Variants in CACUL1 observed in about 807,000 individuals in gnomAD.
The protein encoded by CACUL1 is CDK2-associated and cullin domain-containing protein 1.
In CACUL1, 13 loss-of-function variants were observed where a neutral mutation model predicts 45.2. The observed-to-expected ratio is 0.29, with a 90% CI of 0.19 to 0.46. The LOEUF (loss-of-function observed/expected upper bound fraction) is 0.46. Ranked by LOEUF, CACUL1 falls within the 20% of genes least tolerant of loss-of-function variation. The probability of loss-of-function intolerance (pLI) is 1.00; values close to 1 mark genes in which losing one functional copy is unlikely to be tolerated. For synonymous variants in CACUL1, 197 were observed against 174.2 expected, an observed-to-expected ratio of 1.13 and a Z score of -1.03; for missense variants, 421 against 471.4, an observed-to-expected ratio of 0.89 and a Z score of 0.99.
chr10:118,729,989 T>C (rs192549027), intron 2 of CACUL1, among the ~76,000 whole-genome samples: 4 of 152,364 alleles, frequency 2.6e-5, no homozygotes, highest in Admixed American at 1.3e-4. Context: ...CCTCTGAGAC[T>C]AAAAATATGA....
chr10:118,701,638 G>C (rs1845381080), intron 4 of CACUL1, among the ~76,000 whole-genome samples: 1 of 152,128 alleles, frequency 6.6e-6, no homozygotes, highest in African/African-American at 2.4e-5. Flanking sequence ...AGAACACTGG[G>C]AGATACCAAC....
At chr10:118,696,516 C>A (rs759792815) in intron 5 of CACUL1, among the ~76,000 whole-genome samples, 3 of 152,170 alleles carry the variant, frequency 2.0e-5, no homozygotes, top group Admixed American at 6.5e-5. Flanking sequence ...TGGCGGCAGG[C>A]GCCTGTAATC....
At chr10:118,701,880 C>T (rs1439346752) in intron 4 of CACUL1, among the ~76,000 whole-genome samples, 1 of 152,086 alleles carries the variant, frequency 6.6e-6, no homozygotes, top group African/African-American at 2.4e-5. Flanking sequence ...ACCTTTGGTT[C>T]AGAAGTAGAC....
chr10:118,729,191 T>C (rs1481462017), intron 3 of CACUL1, 104 bp downstream of exon 3: 31 of 707,052 alleles, frequency 4.4e-5, no homozygotes, highest in Non-Finnish European at 5.9e-5. Context: ...TATAAATTTA[T>C]ATCATAATCA....
chr10:118,718,728 C>G (rs971753947), intron 3 of CACUL1, among the ~76,000 whole-genome samples: 3 of 152,140 alleles, frequency 2.0e-5, no homozygotes, highest in Non-Finnish European at 4.4e-5. Flanking sequence ...CGCCCGCCAC[C>G]ACGCCCGGCT....
intron 4 of CACUL1, among the ~76,000 whole-genome samples, chr10:118,705,117 TA>T (rs750903569): frequency 1.3e-5 from 2 of 152,242 alleles, no homozygotes; most frequent in Non-Finnish European, 2.9e-5. Flanking sequence ...TTTTACTGGT[TA>T]TTTTTTTTTA....
chr10:118,740,630 T>A (rs138480488), intron 1 of CACUL1, among the ~76,000 whole-genome samples: 1,908 of 145,504 alleles, frequency 0.013, 13 homozygotes, highest in Middle Eastern at 0.041. Flanking sequence ...AAAATTTTTT[T>A]AAAACTGTGA....
At chr10:118,743,715 C>T (rs896773789) in intron 1 of CACUL1, among the ~76,000 whole-genome samples, 5 of 150,618 alleles carry the variant, frequency 3.3e-5, no homozygotes, top group African/African-American at 7.4e-5. Context: ...GGCAACAAGA[C>T]GGAAACTCCG....
rs548028402 is a variant in CACUL1, at chr10:118,686,051, C to G, written c.*77G>C. 31 of 1,053,700 alleles carry G rather than the reference C, an allele frequency of 2.9e-5. No homozygotes were observed. The highest frequency in any genetic ancestry group is 4.6e-5 in the Non-Finnish European group (31 of 675,846). The allele number at this position is 1,053,700 out of a possible 1,614,324, so 65.3% of individuals were successfully genotyped here. On this transcript the variant is annotated 3_prime_UTR_variant, in exon 9 of 9. Transcript: ENST00000369151. Reference sequence around the variant, plus strand: ...CAGAGCTCCTGAGTGTGTGCAGCCCCCACTGTGCTCTGAATACAGTCTCTG... The same window carrying G: ...CAGAGCTCCTGAGTGTGTGCAGCCCGCACTGTGCTCTGAATACAGTCTCTG...
chr10:118,744,610 C>T (rs1269279833), intron 1 of CACUL1, among the ~76,000 whole-genome samples: 3 of 152,132 alleles, frequency 2.0e-5, no homozygotes, highest in South Asian at 2.1e-4. Context: ...GAATTATTCA[C>T]TTTAAAATAG....
In CACUL1 at chr10:118,744,304, T is replaced by C. The variant is rs569793430; in HGVS notation, c.367+10092A>G. 9.8e-4 allele frequency among the ~76,000 whole-genome samples: 149 copies of C among 152,252 alleles called. 7 individuals carry two copies. The South Asian group carries it at 0.029, about 30-fold the overall frequency. ...AGGAGGCTGGGGCAGGAGCATCGCT[T>C]GAGCCCGGGAGGTGGAGGTTGTGGT... On this transcript the variant is annotated intron_variant, in intron 1 of 8. Transcript: ENST00000369151.
chr10:118,718,340 A>G (rs10749268), intron 3 of CACUL1, among the ~76,000 whole-genome samples: 105,364 of 151,976 alleles, frequency 0.69, 37,291 homozygotes, highest in Non-Finnish European at 0.76. Flanking sequence ...CAGGACAGGG[A>G]AGGGGAGAGT....
intron 1 of CACUL1, among the ~76,000 whole-genome samples, chr10:118,735,539 G>A (rs565752946): frequency 5.9e-5 from 9 of 152,306 alleles, no homozygotes; most frequent in East Asian, 1.9e-4. Flanking sequence ...TAATTCTTAC[G>A]CCTGTTAAAG....
chr10:118,733,016 A>T (rs187972662), intron 1 of CACUL1, among the ~76,000 whole-genome samples: 8 of 152,288 alleles, frequency 5.3e-5, no homozygotes, highest in Admixed American at 2.0e-4. Context: ...AAGTAGTAAC[A>T]CCAGTAATTA....
Position 118,688,620 on chromosome 10 carries a change from C to T in CACUL1, c.1026-1979G>A, listed in dbSNP as rs961133518. On this transcript the variant is annotated intron_variant, in intron 7 of 8. Transcript: ENST00000369151. ...CTACAAAATAAAAAAGCCCAAATTTCGGCGTCACCTGCTCAGCTAAAAGAC... is the reference window on the plus strand; with the variant it reads ...CTACAAAATAAAAAAGCCCAAATTTTGGCGTCACCTGCTCAGCTAAAAGAC... Among the ~76,000 whole-genome samples the T allele has an allele frequency of 4.6e-5, 7 of 152,090 alleles. No homozygotes were observed. The South Asian group carries it at 1.0e-3, about 23-fold the overall frequency.
chr10:118,693,608 G>A, intron 6 of CACUL1: 1 of 388,382 alleles, frequency 2.6e-6, no homozygotes, highest in South Asian at 1.9e-5. Flanking sequence ...ATAAAAGCCA[G>A]TGCTTATAAG....
chr10:118,754,445 G>A lies in CACUL1; in HGVS notation c.318C>T (p.Ala106=). The change falls in exon 1 of 9, where the codon GCC becomes GCT. Residue 106 remains alanine (A), a synonymous_variant. Coordinates refer to ENST00000369151, the MANE Select transcript of CACUL1 (RefSeq NM_153810.5). The part of the protein sequence containing the change: ...AAAAVAKAAP[A]PTASSTININ... ...TGTTGATGGTGGAGCTGGCGGTGGG[G>A]GCGGGGGCCGCCTTGGCCACGGCGG... 2 of 1,575,276 alleles carry A rather than the reference G, an allele frequency of 1.3e-6. No individual in the cohort carries two copies. The highest frequency in any genetic ancestry group is 1.2e-5 in the South Asian group (1 of 86,934).
chr10:118,701,161 T>G (rs1845375956), intron 5 of CACUL1, 145 bp downstream of exon 5: 3 of 457,872 alleles, frequency 6.6e-6, no homozygotes, highest in African/African-American at 4.0e-5. Flanking sequence ...CTGCAGTGTC[T>G]CAGGTGGGCT....
At position 118,737,481 on chromosome 10, in the gene CACUL1, C is replaced by T. The variant is rs142120032; in HGVS notation, c.368-7071G>A. Among the ~76,000 whole-genome samples, 435 of 152,204 alleles carry T rather than the reference C, an allele frequency of 2.9e-3. 3 individuals are homozygous for T. Among genetic ancestry groups the T allele is most frequent in the African/African-American group, 0.01 (417 of 41,516 alleles). On this transcript the variant is annotated intron_variant, in intron 1 of 8. Coordinates refer to ENST00000369151, the MANE Select transcript of CACUL1 (RefSeq NM_153810.5). ...CTATGCTCCCTACCCCATAACAAGA[C>T]AACATTTTGGTCCAGATAAGCCTTA... is the stretch of plus-strand genomic sequence containing the variant.
Sources: gnomAD v4.1 joint callset for allele counts (sites outside exome capture counted in the v4.1 genomes callset) on GRCh38, gnomAD v4.1.1 for gene constraint, MANE v1.5 for transcripts, NCBI Gene and HGNC (gene_info 2026-07-23, HGNC 2026-07-21) for gene names.